SOX5: variants seen among roughly 807,000 people sequenced by gnomAD.
The protein encoded by SOX5 is SRY-box transcription factor 5.
In SOX5, 9 loss-of-function variants were observed where a neutral mutation model predicts 92.0. The observed-to-expected ratio is 0.10, with a 90% CI of 0.06 to 0.17. The LOEUF (loss-of-function observed/expected upper bound fraction) is 0.17. Among genes scored for constraint, SOX5 ranks in the 10% least tolerant of loss-of-function variants. SOX5 has a pLI of 1.00. For synonymous variants in SOX5, 344 were observed against 336.3 expected (o/e 1.02, Z -0.25); for missense variants, 642 against 944.5 (o/e 0.68, Z 4.20).
chr12:24,185,822 T>C (rs1361199007), intron 4 of SOX5, among the ~76,000 whole-genome samples: 3 of 152,208 alleles, frequency 2.0e-5, no homozygotes, highest in Non-Finnish European at 4.4e-5. Context: ...TTTGCCATTG[T>C]ACTCCAAAGC....
chr12:23,845,750 A>G (rs2096568263), intron 3 of SOX5, among the ~76,000 whole-genome samples: 1 of 152,182 alleles, frequency 6.6e-6, no homozygotes, highest in Admixed American at 6.6e-5. Flanking sequence ...TCATGCAACT[A>G]ATTTACTCAT....
intron 11 of SOX5, among the ~76,000 whole-genome samples, chr12:23,550,350 T>G (rs910030274): frequency 6.6e-6 from 1 of 151,946 alleles, no homozygotes; most frequent in Non-Finnish European, 1.5e-5. Flanking sequence ...TAGACAAATA[T>G]GTTATCCTCC....
chr12:24,474,406 A>AC (rs1210718752), intron 1 of SOX5, among the ~76,000 whole-genome samples: 2 of 151,840 alleles, frequency 1.3e-5, no homozygotes, highest in Non-Finnish European at 1.5e-5. Flanking sequence ...GGTGTGGATG[A>AC]CCCCCCCACC....
intron 4 of SOX5, among the ~76,000 whole-genome samples, chr12:23,746,595 T>C (rs557415245): frequency 2.6e-5 from 4 of 152,304 alleles, no homozygotes; most frequent in African/African-American, 9.6e-5. Context: ...AAAAATATTG[T>C]TTCAGTCTTC....
chr12:23,966,057 G>T (rs189187871), intron 4 of SOX5, among the ~76,000 whole-genome samples: 1 of 151,980 alleles, frequency 6.6e-6, no homozygotes, highest in Non-Finnish European at 1.5e-5. Flanking sequence ...AGATTTCAAA[G>T]AAGCAGCAAA....
At chr12:24,453,006 A>G (rs997848626) in intron 1 of SOX5, among the ~76,000 whole-genome samples, 4 of 152,214 alleles carry the variant, frequency 2.6e-5, no homozygotes, top group Non-Finnish European at 5.9e-5. Context: ...AAGAATGTTA[A>G]ATCTATTTTC....
At chr12:24,057,420 G>C (rs1230821919) in intron 4 of SOX5, among the ~76,000 whole-genome samples, 1 of 152,058 alleles carries the variant, frequency 6.6e-6, no homozygotes, top group Admixed American at 6.5e-5. Flanking sequence ...CTCTTTACAT[G>C]CTAGCAAGTT....
At chr12:23,870,259 G>A (rs2096858964) in intron 2 of SOX5, among the ~76,000 whole-genome samples, 1 of 152,030 alleles carries the variant, frequency 6.6e-6, no homozygotes. Context: ...AGGGTCATAA[G>A]TAAAGGAAAA....
intron 2 of SOX5, among the ~76,000 whole-genome samples, chr12:24,365,760 T>C (rs1482669599): frequency 6.6e-6 from 1 of 151,590 alleles, no homozygotes; most frequent in East Asian, 2.0e-4. Context: ...AGCTATTGAA[T>C]CAACATTAGG....
At chr12:23,974,040 C>T (rs1395504358) in intron 4 of SOX5, among the ~76,000 whole-genome samples, 1 of 152,046 alleles carries the variant, frequency 6.6e-6, no homozygotes, top group Non-Finnish European at 1.5e-5. Flanking sequence ...TTTTCCTATA[C>T]ATATATACCT....
chr12:24,294,083 T>C (rs1206002517), intron 2 of SOX5, among the ~76,000 whole-genome samples: 5 of 152,196 alleles, frequency 3.3e-5, no homozygotes, highest in African/African-American at 9.7e-5. Context: ...CATGTGTTCG[T>C]AAGTGCAGAT....
chr12:23,677,094 G>C (rs2085829654), intron 6 of SOX5, among the ~76,000 whole-genome samples: 1 of 152,064 alleles, frequency 6.6e-6, no homozygotes, highest in Non-Finnish European at 1.5e-5. Flanking sequence ...TTATACAATG[G>C]ATCTTAGGCT....
At chr12:24,188,778 G>C (rs1307601714) in intron 4 of SOX5, among the ~76,000 whole-genome samples, 1 of 152,278 alleles carries the variant, frequency 6.6e-6, no homozygotes, top group East Asian at 1.9e-4. Context: ...CTGTGATTTA[G>C]GAAGATTAAT....
chr12:24,285,784 T>C (rs975588775), intron 2 of SOX5, among the ~76,000 whole-genome samples: 1 of 152,202 alleles, frequency 6.6e-6, no homozygotes, highest in African/African-American at 2.4e-5. Flanking sequence ...CAATGGCTCT[T>C]ACAAAATTAC....
chr12:24,093,446 C>A (rs1305961126), intron 4 of SOX5, among the ~76,000 whole-genome samples: 1 of 151,666 alleles, frequency 6.6e-6, no homozygotes, highest in Non-Finnish European at 1.5e-5. Flanking sequence ...TGGCGTGAAC[C>A]CAGGAGGTGG....
At chr12:24,195,964 A>C (rs1367026604) in intron 4 of SOX5, among the ~76,000 whole-genome samples, 1 of 152,208 alleles carries the variant, frequency 6.6e-6, no homozygotes, top group African/African-American at 2.4e-5. Context: ...GGCTCACTGC[A>C]ACCTCTGCCT....
intron 1 of SOX5, among the ~76,000 whole-genome samples, chr12:23,925,973 T>C (rs1053704808): frequency 6.6e-6 from 1 of 152,084 alleles, no homozygotes; most frequent in African/African-American, 2.4e-5. Flanking sequence ...ATACTGGTTA[T>C]AGCAACTAAG....
chr12:24,402,076 T>A (rs1434398429), intron 1 of SOX5, among the ~76,000 whole-genome samples: 1 of 152,180 alleles, frequency 6.6e-6, no homozygotes, highest in African/African-American at 2.4e-5. Context: ...ATGGTATTTA[T>A]CTCACTTCAG....
At chr12:23,734,459 T>G (rs1311574388) in intron 6 of SOX5, among the ~76,000 whole-genome samples, 1 of 152,158 alleles carries the variant, frequency 6.6e-6, no homozygotes, top group Non-Finnish European at 1.5e-5. Context: ...CAGCATAAGA[T>G]GAAAATAACT....
Sources: gnomAD v4.1 joint callset for allele counts (sites outside exome capture counted in the v4.1 genomes callset) on GRCh38, gnomAD v4.1.1 for gene constraint, MANE v1.5 for transcripts, NCBI Gene and HGNC (gene_info 2026-07-23, HGNC 2026-07-21) for gene names.